Variants in HSPA12A observed in about 807,000 individuals in gnomAD.
The protein encoded by HSPA12A is heat shock 70 kDa protein 12A.
HSPA12A carries 28 observed loss-of-function variants against 69.2 expected under a neutral mutation model. The observed-to-expected ratio is 0.40, with a 90% CI of 0.30 to 0.55. The LOEUF (loss-of-function observed/expected upper bound fraction) is 0.55, where lower values mean the gene tolerates loss of function less well. HSPA12A is among the 20% of genes least tolerant of loss of function. HSPA12A has a pLI of 0.38. For missense variants in HSPA12A, 686 were observed against 900.7 expected (o/e 0.76, Z 3.05); for synonymous variants, 345 against 370.5 (o/e 0.93, Z 0.79).
intron 2 of HSPA12A, among the ~76,000 whole-genome samples, chr10:116,802,187 C>T (rs1333013711): frequency 6.6e-6 from 1 of 152,160 alleles, no homozygotes; most frequent in African/African-American, 2.4e-5. Flanking sequence ...TTCTTTATGG[C>T]ATGGTTGTCA....
intron 2 of HSPA12A, among the ~76,000 whole-genome samples, chr10:116,784,803 A>G (rs1400997243): frequency 1.3e-5 from 2 of 152,156 alleles, no homozygotes; most frequent in Admixed American, 6.5e-5. Context: ...GATGGGATAA[A>G]TAGAAATCAA....
intron 2 of HSPA12A, among the ~76,000 whole-genome samples, chr10:116,828,170 T>C (rs534484495): frequency 2.0e-5 from 3 of 152,366 alleles, no homozygotes; most frequent in African/African-American, 7.2e-5. Context: ...TAAGAACTTA[T>C]GGATACATAC....
At chr10:116,679,055 C>T (rs1253633051) in intron 10 of HSPA12A, among the ~76,000 whole-genome samples, 1 of 152,002 alleles carries the variant, frequency 6.6e-6, no homozygotes, top group Non-Finnish European at 1.5e-5. Context: ...AGCTGAGACA[C>T]AAAATCAGTC....
chr10:116,776,704 A>G (rs73380902), intron 2 of HSPA12A, among the ~76,000 whole-genome samples: 2,887 of 152,326 alleles, frequency 0.019, 60 homozygotes, highest in East Asian at 0.12. Flanking sequence ...AGAGCAATTA[A>G]AAATACATGA....
At chr10:116,799,200 T>C (rs1844901959) in intron 2 of HSPA12A, among the ~76,000 whole-genome samples, 1 of 152,004 alleles carries the variant, frequency 6.6e-6, no homozygotes, top group Non-Finnish European at 1.5e-5. Flanking sequence ...TTGGCCCATC[T>C]TCACTACCCC....
intron 7 of HSPA12A, among the ~76,000 whole-genome samples, chr10:116,682,459 G>GGT (rs1554878767): frequency 6.6e-6 from 1 of 151,778 alleles, no homozygotes; most frequent in African/African-American, 2.4e-5. Flanking sequence ...ATAGACTGGG[G>GGT]GGGGGGGCCA....
chr10:116,842,920 T>C (rs1380580694), intron 1 of HSPA12A, among the ~76,000 whole-genome samples: 2 of 152,206 alleles, frequency 1.3e-5, no homozygotes, highest in Non-Finnish European at 1.5e-5. Flanking sequence ...CTCGATCTTT[T>C]CCTTTTCTCT....
At position 116,711,939 on chromosome 10, in the gene HSPA12A, G is replaced by A. The variant is rs377007599; in HGVS notation, c.41-4654C>T. ...CCTGACCTTGTGATCCGCTGGCCTCGGCCTCCCAAACTGCTGGGATTACAG... is the reference window on the plus strand; with the variant it reads ...CCTGACCTTGTGATCCGCTGGCCTCAGCCTCCCAAACTGCTGGGATTACAG... On this transcript the variant is annotated intron_variant, in intron 1 of 11. Coordinates refer to ENST00000369209, the MANE Select transcript of HSPA12A (RefSeq NM_025015.3). 1.1e-4 allele frequency among the ~76,000 whole-genome samples: 17 copies of A among 151,800 alleles called. No individual in the cohort carries two copies. In the South Asian group the frequency reaches 2.3e-3, roughly 20 times the overall value.
rs550999317 is a variant in HSPA12A at position 116,710,187 on chromosome 10, G to A, written c.41-2902C>T. Among the ~76,000 whole-genome samples the A allele has an allele frequency of 1.3e-5, 2 of 152,298 alleles. No individual in the cohort carries two copies. Among genetic ancestry groups the A allele is most frequent in the South Asian group, 4.1e-4 (2 of 4,826 alleles). On this transcript the variant is annotated intron_variant, in intron 1 of 11. Coordinates refer to ENST00000369209, the MANE Select transcript of HSPA12A (RefSeq NM_025015.3). The surrounding 1 kb of genome is among the most constrained non-coding windows in gnomAD (Gnocchi z 4.1). ...CCTGCCCACAGCCCTTGGGCAGCCT[G>A]CGGAGAAATGCCATCAGCACCAGAA...
At chr10:116,741,184 G>A (rs960354657) in intron 1 of HSPA12A, among the ~76,000 whole-genome samples, 2 of 152,034 alleles carry the variant, frequency 1.3e-5, no homozygotes, top group Non-Finnish European at 2.9e-5. Flanking sequence ...CCACTGCAGT[G>A]CCGCGTGGGG....
At chr10:116,768,976 A>T (rs1844139495) in intron 2 of HSPA12A, among the ~76,000 whole-genome samples, 1 of 152,098 alleles carries the variant, frequency 6.6e-6, no homozygotes, top group Non-Finnish European at 1.5e-5. Flanking sequence ...ACACTCTCTC[A>T]TCCACACTGG....
chr10:116,751,749 G>A (rs1851780562), intron 2 of HSPA12A, among the ~76,000 whole-genome samples: 1 of 152,160 alleles, frequency 6.6e-6, no homozygotes, highest in Non-Finnish European at 1.5e-5. Context: ...CCTGGTGGGA[G>A]GTGTTTGGGT....
chr10:116,762,803 C>T (rs1209439443), intron 2 of HSPA12A, among the ~76,000 whole-genome samples: 3 of 152,108 alleles, frequency 2.0e-5, no homozygotes, highest in Admixed American at 1.3e-4. Flanking sequence ...AGGCTGGTCT[C>T]GAGCTCAAAT....
chr10:116,737,148 G>A (rs1276471280), intron 1 of HSPA12A, among the ~76,000 whole-genome samples: 1 of 152,074 alleles, frequency 6.6e-6, no homozygotes, highest in Non-Finnish European at 1.5e-5. Context: ...AACTTGCCAG[G>A]GTCACAGAGC....
chr10:116,817,866 G>A lies in HSPA12A; in HGVS notation c.91+17069C>T, dbSNP rs534598613. Among the ~76,000 whole-genome samples, 4 of 152,310 alleles carry A rather than the reference G, an allele frequency of 2.6e-5. No individual in the cohort carries two copies. In the South Asian group the frequency reaches 8.3e-4, roughly 32 times the overall value. On this transcript the variant is annotated intron_variant, in intron 2 of 12. Transcript: ENST00000635765. ...TCACTGCTTTCCGTCCGGATGCTGA[G>A]AGCAGCAGCAGCAGTTCGGTTGCCC...
chr10:116,676,034 C>T lies in HSPA12A; in HGVS notation c.1390+365G>A, dbSNP rs563319807. ...AGAATATGCATTTCCTAGGGCCTGC[C>T]ACTCTCAGGTAACATTGCCTCAGAG... On this transcript the variant is annotated intron_variant, in intron 11 of 11. Coordinates refer to ENST00000369209, the MANE Select transcript of HSPA12A (RefSeq NM_025015.3). 2.0e-5 allele frequency among the ~76,000 whole-genome samples: 3 copies of T among 152,346 alleles called. No homozygotes were observed. In the South Asian group the frequency reaches 6.2e-4, roughly 32 times the overall value.
chr10:116,808,874 G>A (rs1395859246), intron 2 of HSPA12A, among the ~76,000 whole-genome samples: 1 of 152,178 alleles, frequency 6.6e-6, no homozygotes, highest in Non-Finnish European at 1.5e-5. Context: ...CTTTCCTACA[G>A]TAGGCTACCG....
Position 116,695,373 on chromosome 10 carries a change from G to A in HSPA12A, c.547-2906C>T, listed in dbSNP as rs1396319935. Reference sequence around the variant, plus strand: ...TCATGAGAGCTCCGGTCTCAGGAACGGATTTTTGCTGCCATAAAAAGGGCT... The same window carrying A: ...TCATGAGAGCTCCGGTCTCAGGAACAGATTTTTGCTGCCATAAAAAGGGCT... On this transcript the variant is annotated intron_variant, in intron 5 of 11. Coordinates refer to ENST00000369209, the MANE Select transcript of HSPA12A (RefSeq NM_025015.3). Among the ~76,000 whole-genome samples the A allele has an allele frequency of 5.3e-5, 8 of 152,174 alleles. No individual in the cohort carries two copies. The East Asian group carries it at 1.2e-3, about 22-fold the overall frequency.
chr10:116,742,452 G>A lies in HSPA12A; in HGVS notation c.18C>T (p.Ala6=), dbSNP rs1239596125. 4 of 1,404,788 alleles carry A rather than the reference G, an allele frequency of 2.8e-6. No individual in the cohort carries two copies. The highest frequency in any genetic ancestry group is 3.7e-6 in the Non-Finnish European group (4 of 1,077,580). 87.0% of individuals were successfully genotyped at this position (1,404,788 alleles called of 1,614,324 possible). A position where few individuals can be genotyped will look rare whatever the true frequency, so the allele number is the denominator to read the frequency against. ...CACCTCGGGGCCCGTCGCTGCCGCCGGCCTCCTTGTCCGCCATGGTCGCGC... is the reference window on the plus strand; with the variant it reads ...CACCTCGGGGCCCGTCGCTGCCGCCAGCCTCCTTGTCCGCCATGGTCGCGC... MADKE[A]GGSDGPRETA... Residue 6 remains alanine (A), a synonymous_variant, in exon 1 of 12, where the codon GCC becomes GCT. Transcript: ENST00000369209.
Sources: gnomAD v4.1 joint callset for allele counts (sites outside exome capture counted in the v4.1 genomes callset) on GRCh38, gnomAD v4.1.1 for gene constraint, Gnocchi (gnomAD v3.1) non-coding constraint, MANE v1.5 for transcripts, NCBI Gene and HGNC (gene_info 2026-07-23, HGNC 2026-07-21) for gene names.